STAG2: variants seen among roughly 807,000 people sequenced by gnomAD.
STAG2 encodes cohesin subunit SA-2.
STAG2 carries 14 observed loss-of-function variants against 108.1 expected under a neutral mutation model. The ratio of observed to expected loss-of-function variants is 0.13; its 90% CI spans 0.09 to 0.20. The LOEUF (loss-of-function observed/expected upper bound fraction) is 0.20. Ranked by LOEUF, STAG2 falls within the 10% of genes least tolerant of loss-of-function variation. The pLI is 1.00. For synonymous variants in STAG2, 307 were observed against 302.7 expected (o/e 1.01, Z -0.15); for missense variants, 440 against 940.9 (o/e 0.47, Z 6.96).
intron 6 of STAG2, among the ~76,000 whole-genome samples, chrX:124,041,665 T>C (rs1227243536): frequency 9.0e-6 from 1 of 111,032 alleles, no homozygotes; most frequent in East Asian, 2.8e-4. Context: ...TGCCCCCATC[T>C]CTCTCTTTCT....
At chrX:124,037,105 C>T (rs971412256) in intron 5 of STAG2, among the ~76,000 whole-genome samples, 17 of 110,890 alleles carry the variant, frequency 1.5e-4, no homozygotes, top group Admixed American at 9.6e-4. Context: ...AGGCTGGTCT[C>T]GAACTCCTAA....
At chrX:123,984,437 T>C (rs1156401402) in intron 1 of STAG2, among the ~76,000 whole-genome samples, 13 of 111,323 alleles carry the variant, frequency 1.2e-4, no homozygotes, top group Non-Finnish European at 2.4e-4. Flanking sequence ...TCTTGTTTTA[T>C]TTTCATGCTA....
chrX:124,100,360 G>A (rs2059483673), intron 34 of STAG2, among the ~76,000 whole-genome samples: 1 of 111,148 alleles, frequency 9.0e-6, no homozygotes, highest in Admixed American at 9.6e-5. Context: ...TATATGTGAG[G>A]TAAGTAGCAT....
intron 25 of STAG2, among the ~76,000 whole-genome samples, chrX:124,074,713 A>G (rs939077840): frequency 2.7e-5 from 3 of 111,958 alleles, no homozygotes; most frequent in Non-Finnish European, 5.6e-5. Context: ...GCTGACACTT[A>G]TGAAAGGCCC....
intron 1 of STAG2, among the ~76,000 whole-genome samples, chrX:123,975,585 T>G (rs1478803242): frequency 1.8e-5 from 2 of 111,815 alleles, no homozygotes; most frequent in Admixed American, 9.5e-5. Context: ...TGCCTCAGCC[T>G]CCTGATTAGC....
In STAG2 at chrX:124,066,143, A is replaced by ATTT. The variant is rs748906058; in HGVS notation, c.2097-7_2097-5dup. On this transcript the variant is annotated intron_variant, in intron 21 of 34. Coordinates refer to ENST00000371145, the MANE Select transcript of STAG2 (RefSeq NM_001042750.2). ...AGGCTTAGCTTTTTAATAAAACTTA[A>ATTT]TTTTTTTTTTTTTTTTTTTTTTTTT... 4.9e-3 allele frequency: 2,863 copies of ATTT among 586,168 alleles called. 17 individuals are homozygous for ATTT. Among genetic ancestry groups the ATTT allele is most frequent in the Non-Finnish European group, 5.4e-3 (2,370 of 437,242 alleles). 48.3% of individuals were successfully genotyped at this position (586,168 alleles called of 1,213,427 possible).
At chrX:123,997,427 A>T (rs1362330153) in intron 1 of STAG2, among the ~76,000 whole-genome samples, 1 of 111,642 alleles carries the variant, frequency 9.0e-6, no homozygotes, top group Non-Finnish European at 1.9e-5. Flanking sequence ...AATTTTCCCA[A>T]ACTGAAACTC....
intron 2 of STAG2, among the ~76,000 whole-genome samples, chrX:124,021,875 T>C (rs2056939065): frequency 9.0e-6 from 1 of 111,425 alleles, no homozygotes; most frequent in African/African-American, 3.3e-5. Flanking sequence ...TTCAGGCATC[T>C]CATATTATGG....
At chrX:124,099,167 T>TATAACC (rs771175440) in intron 34 of STAG2, among the ~76,000 whole-genome samples, 1 of 111,616 alleles carries the variant, frequency 9.0e-6, no homozygotes, top group East Asian at 2.8e-4. Context: ...AGAATCTACT[T>TATAACC]ATAACCTAGT....
intron 25 of STAG2, among the ~76,000 whole-genome samples, chrX:124,075,828 T>C (rs949329996): frequency 1.8e-5 from 2 of 111,681 alleles, no homozygotes; most frequent in Non-Finnish European, 3.8e-5. Context: ...TGGATCAGAG[T>C]AGAAATATGC....
In STAG2 at chrX:124,057,995, A is replaced by AT. The variant is rs2058257695; in HGVS notation, c.1416+22dup. 3 of 1,090,499 alleles carry AT rather than the reference A, an allele frequency of 2.8e-6. No individual in the cohort carries two copies. In the Admixed American group the frequency reaches 8.6e-5, roughly 31 times the overall value. 89.9% of individuals were successfully genotyped at this position (1,090,499 alleles called of 1,213,427 possible). A position where few individuals can be genotyped will look rare whatever the true frequency, so the allele number is the denominator to read the frequency against. On this transcript the variant is annotated intron_variant, in intron 15 of 34. Transcript: ENST00000371145. Reference sequence around the variant, plus strand: ...AAAGTGAGGTTAGTTGATAGTATTTATTTTATACTTAGGTTCGAAAAATTT... The same window carrying AT: ...AAAGTGAGGTTAGTTGATAGTATTTATTTTTATACTTAGGTTCGAAAAATTT...
intron 30 of STAG2, among the ~76,000 whole-genome samples, chrX:124,087,975 A>T (rs1258418095): frequency 3.6e-5 from 4 of 112,400 alleles, no homozygotes; most frequent in Non-Finnish European, 7.5e-5. Flanking sequence ...GTTGATGGGG[A>T]AATCTCTTTT....
At chrX:124,019,549 CTT>C (rs1312552238) in intron 1 of STAG2, among the ~76,000 whole-genome samples, 3 of 111,601 alleles carry the variant, frequency 2.7e-5, no homozygotes, top group Non-Finnish European at 5.6e-5. Context: ...CATTTAGAGA[CTT>C]TAAAAAAATC....
At chrX:124,055,772 G>A (rs2058178492) in intron 13 of STAG2, among the ~76,000 whole-genome samples, 1 of 111,708 alleles carries the variant, frequency 9.0e-6, no homozygotes, top group Non-Finnish European at 1.9e-5. Flanking sequence ...TGAAATATAA[G>A]GAAAGTATTA....
intron 28 of STAG2, among the ~76,000 whole-genome samples, chrX:124,082,826 C>A (rs2058996805): frequency 9.0e-6 from 1 of 111,541 alleles, no homozygotes; most frequent in Admixed American, 9.6e-5. Context: ...GAAATAATAT[C>A]TTTTTTTCAT....
At chrX:124,033,693 C>T (rs1327443235) in intron 5 of STAG2, among the ~76,000 whole-genome samples, 4 of 111,461 alleles carry the variant, frequency 3.6e-5, no homozygotes, top group Non-Finnish European at 5.7e-5. Context: ...ACCCTGGAGG[C>T]GTAGGTTGCA....
At chrX:124,029,015 T>TA (rs1569507217) in intron 4 of STAG2, among the ~76,000 whole-genome samples, 14 of 98,302 alleles carry the variant, frequency 1.4e-4, no homozygotes, top group African/African-American at 5.0e-4. Flanking sequence ...ATATATATAT[T>TA]TATTTATTTA....
intron 1 of STAG2, among the ~76,000 whole-genome samples, chrX:123,993,205 C>T (rs1015115936): frequency 3.6e-5 from 4 of 111,182 alleles, no homozygotes; most frequent in Non-Finnish European, 5.7e-5. Context: ...GTGACTCACA[C>T]CTGTAATCCC....
chrX:124,052,916 A>G (rs1191886829), intron 13 of STAG2, among the ~76,000 whole-genome samples: 1 of 108,953 alleles, frequency 9.2e-6, no homozygotes. Context: ...TCCCGGGTTC[A>G]AGCGATTCCC....
Sources: gnomAD v4.1 joint callset for allele counts (sites outside exome capture counted in the v4.1 genomes callset) on GRCh38, gnomAD v4.1.1 for gene constraint, MANE v1.5 for transcripts, NCBI Gene and HGNC (gene_info 2026-07-23, HGNC 2026-07-21) for gene names.